AMN1: variants seen among roughly 807,000 people sequenced by gnomAD.
AMN1 encodes the protein protein AMN1 homolog.
A neutral mutation model predicts 33.0 loss-of-function variants in AMN1; 20 were observed. That is an observed-to-expected ratio of 0.61 (90% CI 0.43 to 0.88). AMN1 has a LOEUF of 0.88. Ranked by LOEUF, AMN1 falls within the 40% of genes least tolerant of loss-of-function variation. The pLI is 0.00. For missense variants in AMN1, 246 were observed against 307.4 expected (o/e 0.80, Z 1.49); for synonymous variants, 114 against 111.9 (o/e 1.02, Z -0.12).
At chr12:31,673,789 AT>A (rs1951330923) in intron 6 of AMN1, among the ~76,000 whole-genome samples, 1 of 152,222 alleles carries the variant, frequency 6.6e-6, no homozygotes, top group African/African-American at 2.4e-5. Context: ...ACCAACTGAG[AT>A]TTATCATAGG....
intron 2 of AMN1, among the ~76,000 whole-genome samples, chr12:31,705,519 C>A (rs1939194947): frequency 6.6e-6 from 1 of 151,724 alleles, no homozygotes; most frequent in Admixed American, 6.6e-5. Flanking sequence ...CAAGCAAAAA[C>A]CACAGAAAAA....
At chr12:31,686,797 CGAA>C (rs1349690794) in intron 6 of AMN1, among the ~76,000 whole-genome samples, 4 of 152,026 alleles carry the variant, frequency 2.6e-5, no homozygotes, top group African/African-American at 7.2e-5. Flanking sequence ...ATTGTAAAGT[CGAA>C]AAACTGTAAA....
chr12:31,703,747 A>G (rs190127343), intron 2 of AMN1, among the ~76,000 whole-genome samples: 31 of 152,326 alleles, frequency 2.0e-4, no homozygotes, highest in Admixed American at 2.0e-3. Flanking sequence ...TTGTGGTTGT[A>G]TATTATTCCA....
At chr12:31,690,965 G>A (rs918403547) in intron 5 of AMN1, among the ~76,000 whole-genome samples, 13 of 151,706 alleles carry the variant, frequency 8.6e-5, no homozygotes, top group Admixed American at 6.6e-5. Context: ...GAAACCCCCC[G>A]TCTCTACTAA....
intron 1 of AMN1, among the ~76,000 whole-genome samples, chr12:31,711,278 C>T (rs1939455568): frequency 6.6e-6 from 1 of 152,112 alleles, no homozygotes. Context: ...AAACCATTCT[C>T]ATGTTTAATG....
At chr12:31,675,684 C>T (rs1250836696) in intron 6 of AMN1, among the ~76,000 whole-genome samples, 2 of 151,498 alleles carry the variant, frequency 1.3e-5, no homozygotes, top group Non-Finnish European at 2.9e-5. Flanking sequence ...TTAGTGGAGA[C>T]GGGGTTTAAC....
intron 1 of AMN1, among the ~76,000 whole-genome samples, chr12:31,714,173 C>T (rs538599662): frequency 5.3e-5 from 8 of 152,204 alleles, no homozygotes; most frequent in African/African-American, 1.7e-4. Flanking sequence ...TTCCAATTCT[C>T]AAATTATAGC....
chr12:31,700,879 C>T (rs183921306), intron 3 of AMN1, among the ~76,000 whole-genome samples: 6 of 150,884 alleles, frequency 4.0e-5, no homozygotes, highest in African/African-American at 7.3e-5. Flanking sequence ...TTAGTAGAGA[C>T]GGGGTTTCAC....
chr12:31,673,417 T>C (rs959608161), intron 6 of AMN1: 61 of 169,488 alleles, frequency 3.6e-4, no homozygotes, highest in African/African-American at 1.2e-3. Context: ...GTTTACAATT[T>C]TTTAAAAAAG....
chr12:31,677,028 G>A (rs74237158), intron 6 of AMN1, among the ~76,000 whole-genome samples: 5,057 of 151,858 alleles, frequency 0.033, 258 homozygotes, highest in East Asian at 0.21. Context: ...GCCGGGCGCG[G>A]CGGCTCACAC....
At chr12:31,727,779 T>G (rs950050199) in intron 1 of AMN1, among the ~76,000 whole-genome samples, 3 of 152,214 alleles carry the variant, frequency 2.0e-5, no homozygotes, top group Non-Finnish European at 4.4e-5. Flanking sequence ...CCTAGCAGCC[T>G]AGGCGTGCAG....
chr12:31,694,084 A>G (rs1472668757), intron 5 of AMN1, among the ~76,000 whole-genome samples: 2 of 152,078 alleles, frequency 1.3e-5, no homozygotes, highest in Non-Finnish European at 2.9e-5. Context: ...AATTAAAAGC[A>G]ACAGATTAAA....
In AMN1 at chr12:31,701,412, C is replaced by T. The variant is rs771735503; in HGVS notation, c.316+451G>A. ...CCAGGCTCAAGGGATTCTCGTGCCT[C>T]CACCTCCTAAGTAGCTGGGACTACA... is the stretch of plus-strand genomic sequence containing the variant. On this transcript the variant is annotated intron_variant, in intron 3 of 6. Transcript: ENST00000281471. 3.7e-4 allele frequency among the ~76,000 whole-genome samples: 57 copies of T among 152,136 alleles called. 1 individual carries two copies. Among genetic ancestry groups the T allele is most frequent in the Non-Finnish European group, 1.3e-4 (9 of 68,026 alleles).
Position 31,671,539 on chromosome 12 carries a change from A to G in AMN1, c.*765T>C, listed in dbSNP as rs557263071. ...TTGAAAACTAAGACCTTTGCTGTTT[A>G]TTTCACAATGTGAAATCAATAAACC... is the stretch of plus-strand genomic sequence containing the variant. On this transcript the variant is annotated 3_prime_UTR_variant, in exon 7 of 7. Coordinates refer to ENST00000281471, the MANE Select transcript of AMN1 (RefSeq NM_001113402.2). 1 of 152,300 alleles carries G rather than the reference A, an allele frequency of 6.6e-6. No individual in the cohort carries two copies. The highest frequency in any genetic ancestry group is 1.5e-5 in the Non-Finnish European group (1 of 67,994). The allele number at this position is 152,300 out of a possible 1,614,324, so 9.4% of individuals were successfully genotyped here.
At position 31,689,062 on chromosome 12, in the gene AMN1, A is replaced by C. The variant is rs1381586696; in HGVS notation, c.648T>G (p.Leu216=). Residue 216 remains leucine, a synonymous_variant, in exon 6 of 7, where the codon CTT becomes CTG. Transcript: ENST00000281471. ...NLTDGAVEAV[L]TYCPQIRILL... is the part of the protein sequence containing the mutation. ...ATATACGTATTTGAGGACAGTAAGTAAGGACAGCTTCGACAGCCCCATCAG... is the reference window on the plus strand; with the variant it reads ...ATATACGTATTTGAGGACAGTAAGTCAGGACAGCTTCGACAGCCCCATCAG... 1 of 1,613,684 alleles carries C rather than the reference A, an allele frequency of 6.2e-7. No individual in the cohort carries two copies. The highest frequency in any genetic ancestry group is 8.5e-7 in the Non-Finnish European group (1 of 1,179,724).
chr12:31,709,539 C>T, intron 1 of AMN1, 114 bp from the exon 2 acceptor site: 1 of 1,355,688 alleles, frequency 7.4e-7, no homozygotes, highest in Non-Finnish European at 9.9e-7. Context: ...TACATTTTGG[C>T]TGGGTGTGGT....
chr12:31,682,499 C>G (rs546261660), intron 6 of AMN1, among the ~76,000 whole-genome samples: 1 of 96,372 alleles, frequency 1.0e-5, no homozygotes, highest in South Asian at 3.9e-4. Context: ...TGTTTAGCAG[C>G]AAGATCGGCG....
At chr12:31,704,287 T>C (rs1939127439) in intron 2 of AMN1, among the ~76,000 whole-genome samples, 1 of 152,194 alleles carries the variant, frequency 6.6e-6, no homozygotes, top group South Asian at 2.1e-4. Flanking sequence ...AAACTGTCAC[T>C]TTGATGACTA....
At chr12:31,707,733 T>A (rs1939302215) in intron 2 of AMN1, among the ~76,000 whole-genome samples, 1 of 152,178 alleles carries the variant, frequency 6.6e-6, no homozygotes, top group Non-Finnish European at 1.5e-5. Context: ...TTGCTTGGAT[T>A]TTCAGTCTCC....
Sources: allele counts gnomAD v4.1 joint callset (sites outside exome capture counted in the v4.1 genomes callset), GRCh38; gene constraint gnomAD v4.1.1; transcripts MANE v1.5; gene names NCBI Gene and HGNC (gene_info 2026-07-23, HGNC 2026-07-21).